The following SETDB2 variants were observed in gnomAD, a reference collection of about 807,000 sequenced individuals.
SETDB2 encodes the protein histone-lysine N-methyltransferase SETDB2.
In SETDB2, 56 loss-of-function variants were observed where a neutral mutation model predicts 82.5. The ratio of observed to expected loss-of-function variants is 0.68; its 90% confidence interval spans 0.55 to 0.85. SETDB2 has a LOEUF of 0.85. Among genes scored for constraint, SETDB2 ranks in the 40% least tolerant of loss-of-function variants. SETDB2 has a pLI of 0.00. For missense variants in SETDB2, 677 were observed against 816.4 expected, an observed-to-expected ratio of 0.83 and a Z score of 2.08; for synonymous variants, 272 against 284.9, an observed-to-expected ratio of 0.95 and a Z score of 0.46.
chr13:49,449,836 C>T, intron 1 of SETDB2, among the ~76,000 whole-genome samples: 1 of 152,140 alleles, frequency 6.6e-6, no homozygotes, highest in East Asian at 1.9e-4. Flanking sequence ...CATTTATTTG[C>T]TCACTATTGC....
chr13:49,449,678 G>A (rs1012893990), intron 1 of SETDB2, among the ~76,000 whole-genome samples: 1 of 152,224 alleles, frequency 6.6e-6, no homozygotes, highest in Admixed American at 6.5e-5. Context: ...GAAGAAGTTA[G>A]CATGCTTCTA....
At chr13:49,458,445 A>G (rs1382314404) in intron 2 of SETDB2, among the ~76,000 whole-genome samples, 4 of 152,134 alleles carry the variant, frequency 2.6e-5, no homozygotes, top group Non-Finnish European at 5.9e-5. Context: ...AAACCCAACT[A>G]CACTTGAACT....
At chr13:49,477,274 A>G (rs889941506) in intron 6 of SETDB2, among the ~76,000 whole-genome samples, 26 of 152,126 alleles carry the variant, frequency 1.7e-4, no homozygotes, top group African/African-American at 5.6e-4. Flanking sequence ...CATCTTAACA[A>G]AAAATTTAAA....
rs200221638 is a variant in SETDB2, at chr13:49,476,973, A to G, written c.803A>G (p.Tyr268Cys). The change falls in exon 6 of 14, where the codon TAT becomes TGT. Residue 268 changes from tyrosine to cysteine, a missense_variant. Around this residue, in one of 3 missense-constraint regions of SETDB2, gnomAD observed 420 missense variants for 554.6 expected, o/e 0.76. Coordinates refer to ENST00000611815, the MANE Select transcript of SETDB2 (RefSeq NM_001160308.3). ...AGAAAGACTGTGTGGCCTCGAGCAT[A>G]TAATCTAACCAACTTTTCCAGCATG... ...KYRKTVWPRA[Y>C]NLTNFSSMFT... is the part of the protein sequence containing the mutation. 5 of 1,613,574 alleles carry G rather than the reference A, an allele frequency of 3.1e-6. No individual in the cohort carries two copies. The Admixed American group carries it at 6.7e-5, about 22-fold the overall frequency.
In SETDB2 at chr13:49,451,658, T is replaced by C. The variant is rs1957788854; in HGVS notation, c.-236T>C. 1 of 364,998 alleles carries C rather than the reference T, an allele frequency of 2.7e-6. No homozygotes were observed. Among genetic ancestry groups the C allele is most frequent in the Non-Finnish European group, 5.0e-6 (1 of 201,082 alleles). 22.6% of individuals were successfully genotyped at this position (364,998 alleles called of 1,614,324 possible). On this transcript the variant is annotated 5_prime_UTR_variant, in exon 2 of 14. The change abolishes an upstream ATG in the 5' untranslated region. Coordinates refer to ENST00000611815, the MANE Select transcript of SETDB2 (RefSeq NM_001160308.3). ...ACAAATATTTACGTGAGAAGATTCA[T>C]GGACTTGTCTTTTGGTTGGACTGTC...
Position 49,450,559 on chromosome 13 carries a change from C to T in SETDB2, c.-341-994C>T, listed in dbSNP as rs372835095. On this transcript the variant is annotated intron_variant, in intron 1 of 13. Transcript: ENST00000611815. Reference sequence around the variant, plus strand: ...GCATTAATCTCCTCTGAGAGGATTCCTGCCCATCGTTTTGCTGTTGTGATT... The same window carrying T: ...GCATTAATCTCCTCTGAGAGGATTCTTGCCCATCGTTTTGCTGTTGTGATT... Among the ~76,000 whole-genome samples the T allele has an allele frequency of 2.6e-5, 4 of 152,074 alleles. No individual in the cohort carries two copies. The South Asian group carries it at 6.2e-4, about 24-fold the overall frequency.
chr13:49,485,187 CT>C (rs1446271578), intron 10 of SETDB2, among the ~76,000 whole-genome samples: 1 of 152,228 alleles, frequency 6.6e-6, no homozygotes, highest in Non-Finnish European at 1.5e-5. Flanking sequence ...CTTAAAGTGA[CT>C]GCAGTGTCTA....
At chr13:49,488,232 T>C in intron 11 of SETDB2, 58 bp from the exon 12 acceptor site, 1 of 1,512,746 alleles carries the variant, frequency 6.6e-7, no homozygotes, top group African/African-American at 1.4e-5. Flanking sequence ...GTTGTTAATT[T>C]CAGCACTATT....
chr13:49,462,369 CTT>C (rs1341736152), intron 4 of SETDB2, among the ~76,000 whole-genome samples: 1 of 152,142 alleles, frequency 6.6e-6, no homozygotes, highest in Non-Finnish European at 1.5e-5. Context: ...AAAAGACACT[CTT>C]ATCACTACTG....
At chr13:49,479,153 G>A (rs1488829191) in intron 6 of SETDB2, among the ~76,000 whole-genome samples, 1 of 152,072 alleles carries the variant, frequency 6.6e-6, no homozygotes, top group Non-Finnish European at 1.5e-5. Flanking sequence ...CATAAAGGAT[G>A]CCACACTAAA....
intron 3 of SETDB2, among the ~76,000 whole-genome samples, 189 bp downstream of exon 3, chr13:49,460,421 A>C (rs1277527116): frequency 6.6e-6 from 1 of 151,964 alleles, no homozygotes; most frequent in Non-Finnish European, 1.5e-5. Context: ...TTTTAGGGGA[A>C]TGTTGCAAAA....
intron 4 of SETDB2, among the ~76,000 whole-genome samples, chr13:49,461,464 A>G (rs565783997): frequency 2.0e-5 from 3 of 152,314 alleles, no homozygotes; most frequent in South Asian, 2.1e-4. Flanking sequence ...TTAAAACACT[A>G]TATATCCGCT....
At chr13:49,447,479 A>C (rs1019804341) in intron 1 of SETDB2, among the ~76,000 whole-genome samples, 4 of 152,148 alleles carry the variant, frequency 2.6e-5, no homozygotes, top group African/African-American at 9.6e-5. Flanking sequence ...CGAATGTTTC[A>C]TCATTGAGTA....
Position 49,491,775 on chromosome 13 carries a change from GA to G in SETDB2, c.2052del (p.Ala685LeufsTer32). 1 of 1,613,216 alleles carries G rather than the reference GA, an allele frequency of 6.2e-7. No individual in the cohort carries two copies. The highest frequency in any genetic ancestry group is 8.5e-7 in the Non-Finnish European group (1 of 1,179,820). ...RTELTWDYGY[E>X]AGTVPEKEIF... ...AGAGCTAACATGGGATTATGGCTAT[GA>G]AGCTGGGACTGTGCCTGAGAAGGAA... On this transcript the variant is annotated frameshift_variant, in exon 14 of 14. Transcript: ENST00000611815. LOFTEE classifies it high-confidence loss of function.
chr13:49,464,074 A>C (rs1324712210), intron 4 of SETDB2: 1 of 774,856 alleles, frequency 1.3e-6, no homozygotes, highest in East Asian at 2.4e-5. Flanking sequence ...TTGAGAGCAC[A>C]TTATACCACC....
chr13:49,456,653 A>G lies in SETDB2; in HGVS notation c.17-3454A>G, dbSNP rs748032101. Among the ~76,000 whole-genome samples the G allele has an allele frequency of 2.6e-4, 40 of 152,324 alleles. 1 individual carries two copies. The highest frequency in any genetic ancestry group is 5.7e-4 in the Non-Finnish European group (39 of 68,008). ...AGGTTATAATGCTGAGCATGCATAC[A>G]ATGCCGAAAGAAGTGAAGATCAGGA... On this transcript the variant is annotated intron_variant, in intron 2 of 13. Coordinates refer to ENST00000611815, the MANE Select transcript of SETDB2 (RefSeq NM_001160308.3).
At chr13:49,487,505 C>CTTTT (rs202126308) in intron 11 of SETDB2, among the ~76,000 whole-genome samples, 1 of 152,008 alleles carries the variant, frequency 6.6e-6, no homozygotes, top group Non-Finnish European at 1.5e-5. Flanking sequence ...TGGCTAATTT[C>CTTTT]TTTTTTTTAA....
intron 4 of SETDB2, among the ~76,000 whole-genome samples, chr13:49,466,783 A>G (rs886416227): frequency 4.7e-5 from 7 of 150,288 alleles, no homozygotes; most frequent in Non-Finnish European, 1.0e-4. Flanking sequence ...AGCTAGAACT[A>G]CAGGCATGCG....
intron 3 of SETDB2, among the ~76,000 whole-genome samples, chr13:49,460,793 C>T (rs1311071287): frequency 6.6e-6 from 1 of 152,124 alleles, no homozygotes; most frequent in East Asian, 1.9e-4. Context: ...GGTCTTATGA[C>T]ATTATTATTA....
Sources: allele counts gnomAD v4.1 joint callset (sites outside exome capture counted in the v4.1 genomes callset), GRCh38; gene constraint gnomAD v4.1.1; regional missense constraint gnomAD v4.1.1; transcripts MANE v1.5; gene names NCBI Gene and HGNC (gene_info 2026-07-23, HGNC 2026-07-21).